The following MYH13 variants were observed in gnomAD, a reference collection of about 807,000 sequenced individuals.
MYH13 encodes the protein myosin-13.
A neutral mutation model predicts 232.1 loss-of-function variants in MYH13; 177 were observed. The observed-to-expected ratio is 0.76, with a 90% CI of 0.67 to 0.86. The LOEUF is 0.86. Ranked by LOEUF, MYH13 falls within the 40% of genes least tolerant of loss-of-function variation. The probability of loss-of-function intolerance (pLI) is 0.00; values close to 1 mark genes in which losing one functional copy is unlikely to be tolerated. For synonymous variants in MYH13, 884 were observed against 923.5 expected (o/e 0.96, Z 0.78); for missense variants, 2,246 against 2,405.9 (o/e 0.93, Z 1.39).
chr17:10,372,481 A>C (rs1028534737), intron 1 of MYH13, among the ~76,000 whole-genome samples: 1 of 152,234 alleles, frequency 6.6e-6, no homozygotes, highest in Non-Finnish European at 1.5e-5. Flanking sequence ...AACAGTCTGC[A>C]AACCAGTCAA....
At position 10,306,608 on chromosome 17, in the gene MYH13, G is replaced by A. The variant is rs1906295638; in HGVS notation, c.5317C>T (p.Leu1773=). ...ITDAAMMAEE[L]KKEQDTSAHL... is the part of the protein sequence containing the mutation. ...GCGCTGGTGTCCTGTTCCTTCTTTA[G>A]CTCCTCAGCCATCATGGCAGCCTGG... Residue 1773 remains leucine (L), a synonymous_variant, in exon 37 of 41, where the codon CTA becomes TTA. Coordinates refer to ENST00000252172, the MANE Select transcript of MYH13 (RefSeq NM_003802.3). The surrounding 1 kb of genome is among the most constrained non-coding windows in gnomAD (Gnocchi z 4.3). The A allele has an allele frequency of 6.2e-7, 1 of 1,613,968 alleles. No homozygotes were observed. The highest frequency in any genetic ancestry group is 8.5e-7 in the Non-Finnish European group (1 of 1,180,018).
At chr17:10,318,247 T>C (rs1228786474) in intron 27 of MYH13, among the ~76,000 whole-genome samples, 1 of 152,188 alleles carries the variant, frequency 6.6e-6, no homozygotes, top group African/African-American at 2.4e-5. Flanking sequence ...TGGTGCCAGA[T>C]CATCCAATTG....
intron 32 of MYH13, 79 bp downstream of exon 32, chr17:10,311,832 G>A: frequency 6.5e-7 from 1 of 1,529,518 alleles, no homozygotes; most frequent in South Asian, 1.2e-5. Context: ...GGTGTCTGGA[G>A]ATGGCTGTGG....
At chr17:10,329,232 A>G (rs1907329487) in intron 21 of MYH13, among the ~76,000 whole-genome samples, 1 of 152,196 alleles carries the variant, frequency 6.6e-6, no homozygotes, top group African/African-American at 2.4e-5. Context: ...ACAGGGGATC[A>G]GGGAACCAGG....
intron 13 of MYH13, among the ~76,000 whole-genome samples, chr17:10,346,112 T>C (rs933366): frequency 0.78 from 118,292 of 151,936 alleles, 46,650 homozygotes; most frequent in East Asian, 0.88. Context: ...CCAGCTCATG[T>C]TGTTCACCTT....
chr17:10,351,043 C>T (rs138259499), intron 11 of MYH13, among the ~76,000 whole-genome samples: 87 of 151,556 alleles, frequency 5.7e-4, no homozygotes, highest in African/African-American at 2.1e-3. Flanking sequence ...AACATGGCGA[C>T]GCTCCATCTC....
chr17:10,346,636 T>A (rs773799577), intron 13 of MYH13, 44 bp downstream of exon 13: 1 of 1,483,300 alleles, frequency 6.7e-7, no homozygotes, highest in South Asian at 1.2e-5. Context: ...ATGGCTCAAA[T>A]AGCAAAAGAT....
intron 18 of MYH13, among the ~76,000 whole-genome samples, chr17:10,339,530 T>G (rs941666620): frequency 1.3e-5 from 2 of 152,204 alleles, no homozygotes; most frequent in African/African-American, 4.8e-5. Flanking sequence ...GATGCTATTT[T>G]GATTATGGGA....
At chr17:10,311,508 G>A (rs958546532) in intron 32 of MYH13, among the ~76,000 whole-genome samples, 54 of 152,300 alleles carry the variant, frequency 3.5e-4, no homozygotes, top group African/African-American at 8.9e-4. Context: ...TGGGGAAAAC[G>A]CATAGAATCA....
intron 18 of MYH13, among the ~76,000 whole-genome samples, chr17:10,336,128 C>T (rs974252110): frequency 8.5e-5 from 13 of 152,066 alleles, no homozygotes; most frequent in African/African-American, 2.4e-4. Context: ...GTAGCAGAGC[C>T]GAGACGCCAC....
chr17:10,309,747 G>C lies in MYH13; in HGVS notation c.4740C>G (p.Val1580=). The change falls in exon 34 of 41, where the codon GTC becomes GTG. Residue 1580 remains valine, a synonymous_variant. Coordinates refer to ENST00000252172, the MANE Select transcript of MYH13 (RefSeq NM_003802.3). ...SQVKSELDRK[V]IEKDEEIEQL... The stretch of plus-strand genomic sequence containing the variant: ...GCTCGATTTCTTCATCCTTCTCAAT[G>C]ACCTTGCGGTCTAGCTCGGATTTCA... The C allele has an allele frequency of 6.2e-7, 1 of 1,602,056 alleles. No homozygotes were observed. The highest frequency in any genetic ancestry group is 1.3e-5 in the African/African-American group (1 of 74,860).
intron 22 of MYH13, chr17:10,324,756 GTTTTTTTTTTT>G (rs56757162): frequency 8.4e-5 from 9 of 107,754 alleles, no homozygotes; most frequent in Non-Finnish European, 8.7e-5. Flanking sequence ...CCATATACAT[GTTTTTTTTTTT>G]TTTTTTTTTT....
At chr17:10,312,901 T>G in intron 30 of MYH13, 144 bp from the exon 31 acceptor site, 1 of 1,142,788 alleles carries the variant, frequency 8.8e-7, no homozygotes, top group Non-Finnish European at 1.2e-6. Flanking sequence ...GTGGGGAGGA[T>G]CCAAGTGTCA....
intron 2 of MYH13, among the ~76,000 whole-genome samples, chr17:10,364,959 C>T (rs759725029): frequency 9.9e-5 from 15 of 152,164 alleles, no homozygotes; most frequent in South Asian, 2.1e-4. Flanking sequence ...CTGCAACCTC[C>T]GCCTCCCAGG....
In MYH13 at chr17:10,318,983, A is replaced by T; in HGVS notation, c.3545T>A (p.Leu1182Gln). The change falls in exon 27 of 41, where the codon CTG becomes CAG. Residue 1182 changes from leucine to glutamine, a missense_variant. Transcript: ENST00000252172. ...TTCGTGCTGCAGGGTGGCCTCCTCC[A>T]GGTCCCTGCGCATTTTCTGGAACTC... Reference protein sequence around the residue: ...EAEFQKMRRDLEEATLQHEAT... With the variant: ...EAEFQKMRRDQEEATLQHEAT... 1 of 1,614,046 alleles carries T rather than the reference A, an allele frequency of 6.2e-7. No homozygotes were observed. Among genetic ancestry groups the T allele is most frequent in the South Asian group, 1.1e-5 (1 of 91,068 alleles).
At position 10,320,490 on chromosome 17, in the gene MYH13, C is replaced by G. The variant is rs373076445; in HGVS notation, c.3118G>C (p.Gly1040Arg). 1 of 1,612,296 alleles carries G rather than the reference C, an allele frequency of 6.2e-7. No homozygotes were observed. The highest frequency in any genetic ancestry group is 1.3e-5 in the African/African-American group (1 of 74,912). Residue 1040 changes from glycine to arginine, a missense_variant, in exon 25 of 41, where the codon GGT becomes CGT. By Grantham distance (125) the Gly-to-Arg change is moderately radical. Transcript: ENST00000252172. ...AGTTTCTTCTCCTGCTCTAAGGAACCCTCAAGCTGAGAAGACACACAGGTA... is the reference window on the plus strand; with the variant it reads ...AGTTTCTTCTCCTGCTCTAAGGAACGCTCAAGCTGAGAAGACACACAGGTA... ...KLEQQTDDLE[G>R]SLEQEKKLRA...
chr17:10,356,832 T>G (rs2071752881), intron 8 of MYH13, among the ~76,000 whole-genome samples: 1 of 152,228 alleles, frequency 6.6e-6, no homozygotes, highest in South Asian at 2.1e-4. Context: ...GCCAGTGAAA[T>G]GAAATAGAGG....
At position 10,340,376 on chromosome 17, in the gene MYH13, G is replaced by A. The variant is rs747309262; in HGVS notation, c.1920C>T (p.Gly640=). The change falls in exon 17 of 41, where the codon GGC becomes GGT. Residue 640 remains glycine, a synonymous_variant. Coordinates refer to ENST00000252172, the MANE Select transcript of MYH13 (RefSeq NM_003802.3). ...ETGDSGGSKK[G]GKKKGSSFQT... ...GGAAAGAGGAGCCCTTCTTCTTCCC[G>A]CCCTTCTTGCTTCCTCCGGAGTCGC... 6.3e-5 allele frequency: 101 copies of A among 1,613,612 alleles called. No homozygotes were observed. Among genetic ancestry groups the A allele is most frequent in the Non-Finnish European group, 7.6e-5 (90 of 1,179,790 alleles).
At chr17:10,313,499 A>G in intron 29 of MYH13, 145 bp from the exon 30 acceptor site, 1 of 1,252,232 alleles carries the variant, frequency 8.0e-7, no homozygotes, top group Non-Finnish European at 1.1e-6. Flanking sequence ...CACCTGGTTT[A>G]TTTAATTTTT....
Sources: allele counts gnomAD v4.1 joint callset (sites outside exome capture counted in the v4.1 genomes callset), GRCh38; gene constraint gnomAD v4.1.1; non-coding constraint Gnocchi (gnomAD v3.1); transcripts MANE v1.5; gene names NCBI Gene and HGNC (gene_info 2026-07-23, HGNC 2026-07-21).